The following PCCA variants were observed in gnomAD, a reference collection of about 807,000 sequenced individuals.
The protein encoded by PCCA is propionyl-CoA carboxylase alpha chain, mitochondrial.
Under a neutral mutation model 101.3 loss-of-function variants are expected in PCCA, and 74 were observed. The ratio of observed to expected loss-of-function variants is 0.73; its 90% CI spans 0.61 to 0.89. The LOEUF is 0.89. Among genes scored for constraint, PCCA ranks in the 40% least tolerant of loss-of-function variants. PCCA has a pLI of 0.00. For missense variants in PCCA, 891 were observed against 907.0 expected (o/e 0.98, Z 0.23); for synonymous variants, 294 against 313.6 (o/e 0.94, Z 0.66).
At chr13:100,310,526 A>G (rs1275797349) in intron 16 of PCCA, among the ~76,000 whole-genome samples, 1 of 152,202 alleles carries the variant, frequency 6.6e-6, no homozygotes, top group Non-Finnish European at 1.5e-5. Context: ...CTGTGATATA[A>G]TACGACATAG....
chr13:100,381,653 C>T (rs1279844127), intron 19 of PCCA, among the ~76,000 whole-genome samples: 2 of 152,104 alleles, frequency 1.3e-5, no homozygotes, highest in Non-Finnish European at 2.9e-5. Flanking sequence ...AAGTTATTTC[C>T]CTGACCCCTT....
At chr13:100,223,529 G>A (rs889921378) in intron 7 of PCCA, among the ~76,000 whole-genome samples, 1 of 152,156 alleles carries the variant, frequency 6.6e-6, no homozygotes, top group Non-Finnish European at 1.5e-5. Flanking sequence ...CGCGGTGAGC[G>A]TTATAGCTCA....
At chr13:100,444,977 T>C (rs1397381349) in intron 20 of PCCA, among the ~76,000 whole-genome samples, 3 of 152,214 alleles carry the variant, frequency 2.0e-5, no homozygotes, top group African/African-American at 7.2e-5. Context: ...GGATAATTTA[T>C]AAAGAGAAAA....
At chr13:100,401,229 T>TTTG (rs1206320354) in intron 19 of PCCA, among the ~76,000 whole-genome samples, 1 of 152,126 alleles carries the variant, frequency 6.6e-6, no homozygotes, top group African/African-American at 2.4e-5. Context: ...TAACTGTTTT[T>TTTG]TTGTTGTTGT....
intron 7 of PCCA, among the ~76,000 whole-genome samples, chr13:100,224,304 C>T (rs2060010809): frequency 6.6e-6 from 1 of 152,240 alleles, no homozygotes; most frequent in African/African-American, 2.4e-5. Flanking sequence ...TGCTAAGTCC[C>T]TCATTGCCCG....
At chr13:100,117,432 A>ATT (rs36122017) in intron 4 of PCCA, among the ~76,000 whole-genome samples, 59 of 145,610 alleles carry the variant, frequency 4.1e-4, no homozygotes, top group African/African-American at 1.5e-3. Context: ...GTGTGTGTGC[A>ATT]TTTTTTTTTT....
At chr13:100,481,403 C>T (rs1039901942) in intron 21 of PCCA, among the ~76,000 whole-genome samples, 28 of 152,062 alleles carry the variant, frequency 1.8e-4, no homozygotes, top group Non-Finnish European at 2.9e-5. Flanking sequence ...ACAAAAAACA[C>T]AAAAATTCAC....
chr13:100,416,442 A>G (rs1435495683), intron 19 of PCCA, among the ~76,000 whole-genome samples: 1 of 152,100 alleles, frequency 6.6e-6, no homozygotes, highest in East Asian at 1.9e-4. Context: ...TCGGCCTCCC[A>G]AAATTCTGGG....
At chr13:100,335,874 C>A (rs1036875146) in intron 17 of PCCA, among the ~76,000 whole-genome samples, 1 of 152,180 alleles carries the variant, frequency 6.6e-6, no homozygotes, top group Non-Finnish European at 1.5e-5. Context: ...AGCCAGATTA[C>A]CCTACAGACA....
At chr13:100,223,463 G>T (rs868801773) in intron 7 of PCCA, among the ~76,000 whole-genome samples, 14 of 152,058 alleles carry the variant, frequency 9.2e-5, no homozygotes, top group Non-Finnish European at 1.5e-4. Flanking sequence ...GGAGTTGTTC[G>T]TTCCTCCCGG....
rs572556062 is a variant in PCCA, at chr13:100,457,287, G to A, written c.1899+7982G>A. On this transcript the variant is annotated intron_variant, in intron 21 of 23. Coordinates refer to ENST00000376285, the MANE Select transcript of PCCA (RefSeq NM_000282.4). ...GTTTGTGCCTTCAGTCTCTTGCCTC[G>A]GCACCTAGATAATCTTTCACGCACA... Among the ~76,000 whole-genome samples the A allele has an allele frequency of 5.3e-5, 8 of 151,430 alleles. No individual in the cohort carries two copies. The South Asian group carries it at 6.3e-4, about 12-fold the overall frequency.
chr13:100,447,383 C>CA (rs1414254007), intron 20 of PCCA, among the ~76,000 whole-genome samples: 19 of 140,748 alleles, frequency 1.3e-4, no homozygotes, highest in Admixed American at 2.2e-4. Context: ...AACTTTGTCT[C>CA]AAAAAAAAAG....
intron 12 of PCCA, among the ~76,000 whole-genome samples, chr13:100,287,817 G>GT (rs11462726): frequency 0.94 from 142,877 of 151,930 alleles, 67,784 homozygotes; most frequent in South Asian, 1. Context: ...AAGTTAGGGG[G>GT]TTTTTTTAAT....
At chr13:100,189,377 G>A (rs891820372) in intron 6 of PCCA, among the ~76,000 whole-genome samples, 8 of 152,162 alleles carry the variant, frequency 5.3e-5, no homozygotes, top group Non-Finnish European at 1.2e-4. Context: ...ATCGTAGAAC[G>A]ATTTATAATC....
chr13:100,313,971 A>G (rs1056495941), intron 16 of PCCA, among the ~76,000 whole-genome samples: 3 of 152,108 alleles, frequency 2.0e-5, no homozygotes, highest in Admixed American at 2.0e-4. Context: ...TCTGTGGCCC[A>G]AAGTTACACA....
At chr13:100,412,349 G>A (rs2078106298) in intron 19 of PCCA, among the ~76,000 whole-genome samples, 1 of 152,182 alleles carries the variant, frequency 6.6e-6, no homozygotes, top group Non-Finnish European at 1.5e-5. Context: ...TTACTGCTCA[G>A]AAATGTTAGC....
At chr13:100,347,277 G>C (rs147422074) in intron 18 of PCCA, among the ~76,000 whole-genome samples, 3 of 152,164 alleles carry the variant, frequency 2.0e-5, no homozygotes, top group Non-Finnish European at 4.4e-5. Context: ...CATTGGAAAA[G>C]TAACAAATTC....
chr13:100,494,792 G>T (rs1257229506), intron 21 of PCCA, among the ~76,000 whole-genome samples: 1 of 152,092 alleles, frequency 6.6e-6, no homozygotes, highest in Non-Finnish European at 1.5e-5. Flanking sequence ...ACAGTCCTGT[G>T]GCGGTCTGTT....
At chr13:100,425,313 T>C (rs958018839) in intron 19 of PCCA, among the ~76,000 whole-genome samples, 3 of 152,246 alleles carry the variant, frequency 2.0e-5, no homozygotes, top group Non-Finnish European at 4.4e-5. Context: ...GTCACTGGAA[T>C]TTATATGCAT....
Sources: allele counts gnomAD v4.1 joint callset (sites outside exome capture counted in the v4.1 genomes callset), GRCh38; gene constraint gnomAD v4.1.1; transcripts MANE v1.5; gene names NCBI Gene and HGNC (gene_info 2026-07-23, HGNC 2026-07-21).